The following GABRB2 variants were observed in gnomAD, a reference collection of about 807,000 sequenced individuals.
GABRB2 encodes gamma-aminobutyric acid type A receptor subunit beta2.
A neutral mutation model predicts 54.7 loss-of-function variants in GABRB2; 16 were observed. The ratio of observed to expected loss-of-function variants is 0.29; its 90% confidence interval spans 0.20 to 0.44. GABRB2 has a LOEUF of 0.44. Ranked by LOEUF, GABRB2 falls within the 20% of genes least tolerant of loss-of-function variation. The pLI is 1.00. For missense variants in GABRB2, 355 were observed against 644.0 expected (o/e 0.55, Z 4.86); for synonymous variants, 244 against 233.8 (o/e 1.04, Z -0.40).
chr5:161,411,962 T>C (rs1280844745), intron 4 of GABRB2, among the ~76,000 whole-genome samples: 2 of 152,098 alleles, frequency 1.3e-5, no homozygotes, highest in African/African-American at 2.4e-5. Context: ...ACTTGGCACA[T>C]AGTAGACCCT....
chr5:161,529,748 A>G (rs1760400086), intron 3 of GABRB2, among the ~76,000 whole-genome samples: 2 of 152,024 alleles, frequency 1.3e-5, no homozygotes, highest in African/African-American at 4.8e-5. Flanking sequence ...CTCATTTTCA[A>G]TTGACCCTTC....
chr5:161,493,868 G>C (rs1289028034), intron 3 of GABRB2, among the ~76,000 whole-genome samples: 1 of 151,580 alleles, frequency 6.6e-6, no homozygotes, highest in Non-Finnish European at 1.5e-5. Flanking sequence ...TATTCATATA[G>C]TGAATTATCC....
intron 4 of GABRB2, among the ~76,000 whole-genome samples, chr5:161,413,340 A>G (rs1301486577): frequency 1.3e-5 from 2 of 152,066 alleles, no homozygotes; most frequent in Non-Finnish European, 2.9e-5. Flanking sequence ...CAATAGATAC[A>G]TTTTAATTAA....
chr5:161,481,764 G>A (rs1758770317), intron 3 of GABRB2, among the ~76,000 whole-genome samples: 1 of 151,936 alleles, frequency 6.6e-6, no homozygotes, highest in African/African-American at 2.4e-5. Flanking sequence ...AGCTTTGAAG[G>A]CAGAGTGGTT....
rs147021726 is a variant in GABRB2 at position 161,351,734 on chromosome 5, C to A, written c.542-14965G>T. Reference sequence around the variant, plus strand: ...ATCAAATTAAAAGGCTTCTGCACAGCAAAAGAAACAATCAACACATTGAAG... The same window carrying A: ...ATCAAATTAAAAGGCTTCTGCACAGAAAAAGAAACAATCAACACATTGAAG... On this transcript the variant is annotated intron_variant, in intron 5 of 9. Transcript: ENST00000393959. Among the ~76,000 whole-genome samples, 158 of 151,994 alleles carry A rather than the reference C, an allele frequency of 1.0e-3. 1 individual carries two copies. The East Asian group carries it at 0.029, about 28-fold the overall frequency.
At position 161,394,278 on chromosome 5, in the gene GABRB2, G is replaced by T. The variant is rs550390942; in HGVS notation, c.541+16697C>A. Among the ~76,000 whole-genome samples, 8 of 152,048 alleles carry T rather than the reference G, an allele frequency of 5.3e-5. No individual in the cohort carries two copies. The South Asian group carries it at 1.7e-3, about 32-fold the overall frequency. On this transcript the variant is annotated intron_variant, in intron 5 of 9. Transcript: ENST00000393959. ...AGAATTCAAGCAAGATTTCAAATCG[G>T]TGGCTCAAAGTATCATCTTAAAAAA... is the stretch of plus-strand genomic sequence containing the variant.
Position 161,546,353 on chromosome 5 carries a change from G to C in GABRB2, c.138C>G (p.Gly46=). 6.2e-7 allele frequency: 1 copy of C among 1,614,150 alleles called. No individual in the cohort carries two copies. The highest frequency in any genetic ancestry group is 8.5e-7 in the Non-Finnish European group (1 of 1,180,018). Residue 46 remains glycine (G), a synonymous_variant, in exon 2 of 10, where the codon GGC becomes GGG. Coordinates refer to ENST00000393959, the MANE Select transcript of GABRB2 (RefSeq NM_001371727.1). ...AATCTGGTCTCAGACGAATGTCATA[G>C]CCTTTCAGGAGTCTATCCACCGTCT... The part of the protein sequence containing the change: ...VKETVDRLLK[G]YDIRLRPDFG...
intron 9 of GABRB2, among the ~76,000 whole-genome samples, chr5:161,309,631 A>C (rs948051983): frequency 3.4e-5 from 5 of 146,810 alleles, no homozygotes; most frequent in African/African-American, 1.0e-4. Context: ...TGATAGACTA[A>C]ATTTTTTTTT....
chr5:161,504,901 A>G (rs953744997), intron 3 of GABRB2, among the ~76,000 whole-genome samples: 7 of 152,066 alleles, frequency 4.6e-5, no homozygotes, highest in African/African-American at 1.7e-4. Context: ...ACTGACAAAA[A>G]GAAGAAATAG....
intron 5 of GABRB2, among the ~76,000 whole-genome samples, chr5:161,338,411 G>T (rs1007372872): frequency 1.3e-5 from 2 of 152,048 alleles, no homozygotes; most frequent in African/African-American, 2.4e-5. Flanking sequence ...CTGATTATAC[G>T]TCAGCAATAT....
In GABRB2 at chr5:161,487,744, A is replaced by C. The variant is rs548216823; in HGVS notation, c.238-27900T>G. ...AAGACTAAACAAAATAACATGTAAAAAGCTCTTTCTCTAGGACCTAATATA... is the reference window on the plus strand; with the variant it reads ...AAGACTAAACAAAATAACATGTAAACAGCTCTTTCTCTAGGACCTAATATA... On this transcript the variant is annotated intron_variant, in intron 3 of 9. Coordinates refer to ENST00000393959, the MANE Select transcript of GABRB2 (RefSeq NM_001371727.1). 4.6e-5 allele frequency among the ~76,000 whole-genome samples: 7 copies of C among 152,026 alleles called. 1 individual carries two copies. The South Asian group carries it at 1.5e-3, about 32-fold the overall frequency.
chr5:161,434,539 C>T (rs1177395073), intron 4 of GABRB2, among the ~76,000 whole-genome samples: 1 of 152,060 alleles, frequency 6.6e-6, no homozygotes, highest in Non-Finnish European at 1.5e-5. Flanking sequence ...TACCTTTCTT[C>T]CTTTACTTTC....
chr5:161,336,913 T>A, intron 5 of GABRB2, 144 bp from the exon 6 acceptor site: 1 of 865,074 alleles, frequency 1.2e-6, no homozygotes, highest in Non-Finnish European at 1.7e-6. Context: ...ATGTGTTTGG[T>A]ATCATACTAA....
intron 5 of GABRB2, among the ~76,000 whole-genome samples, chr5:161,385,591 T>C (rs957973123): frequency 1.3e-5 from 2 of 152,182 alleles, no homozygotes; most frequent in Admixed American, 6.6e-5. Flanking sequence ...ACTATATTCA[T>C]AAAATCTGAA....
rs529066852 is a variant in GABRB2 at position 161,340,148 on chromosome 5, C to A, written c.542-3379G>T. On this transcript the variant is annotated intron_variant, in intron 5 of 9. Transcript: ENST00000393959. ...GATAAATATTATAACAGAAGCTTAT[C>A]TGTAGGCAGAGGAATGCGAATGTCT... 2.6e-5 allele frequency among the ~76,000 whole-genome samples: 4 copies of A among 152,044 alleles called. No individual in the cohort carries two copies. In the East Asian group the frequency reaches 7.8e-4, roughly 30 times the overall value.
intron 4 of GABRB2, among the ~76,000 whole-genome samples, chr5:161,429,719 C>T (rs186566131): frequency 1.3e-5 from 2 of 152,098 alleles, no homozygotes; most frequent in African/African-American, 2.4e-5. Flanking sequence ...ATAATACACA[C>T]AGAATGCTAA....
At chr5:161,534,837 A>T (rs1760582102) in intron 3 of GABRB2, among the ~76,000 whole-genome samples, 1 of 152,188 alleles carries the variant, frequency 6.6e-6, no homozygotes, top group Non-Finnish European at 1.5e-5. Flanking sequence ...CACCTTTAAG[A>T]GAATCATATG....
intron 5 of GABRB2, among the ~76,000 whole-genome samples, chr5:161,386,398 A>G (rs1755632731): frequency 2.0e-5 from 3 of 152,228 alleles, no homozygotes; most frequent in African/African-American, 7.2e-5. Context: ...CGAACTCCCC[A>G]TATTCCTTTA....
At chr5:161,476,206 G>A (rs1423058206) in intron 3 of GABRB2, among the ~76,000 whole-genome samples, 1 of 151,840 alleles carries the variant, frequency 6.6e-6, no homozygotes, top group Non-Finnish European at 1.5e-5. Flanking sequence ...ATCAAAGAGA[G>A]TAAAATACTT....
Sources: gnomAD v4.1 joint callset for allele counts (sites outside exome capture counted in the v4.1 genomes callset) on GRCh38, gnomAD v4.1.1 for gene constraint, MANE v1.5 for transcripts, NCBI Gene and HGNC (gene_info 2026-07-23, HGNC 2026-07-21) for gene names.